COL9A2: variants seen among roughly 807,000 people sequenced by gnomAD.
The protein encoded by COL9A2 is collagen alpha-2(IX) chain.
A neutral mutation model predicts 111.6 loss-of-function variants in COL9A2; 66 were observed. That is an observed-to-expected ratio of 0.59 (90% CI 0.48 to 0.73). The LOEUF (loss-of-function observed/expected upper bound fraction) is 0.73, where lower values mean the gene tolerates loss of function less well. Among genes scored for constraint, COL9A2 ranks in the 30% least tolerant of loss-of-function variants. The pLI, the probability that COL9A2 is intolerant of heterozygous loss-of-function variation, is 0.00. For synonymous variants in COL9A2, 353 were observed against 364.1 expected, an observed-to-expected ratio of 0.97 and a Z score of 0.35; for missense variants, 881 against 954.1, an observed-to-expected ratio of 0.92 and a Z score of 1.01.
chr1:40,307,442 T>C lies in COL9A2; in HGVS notation c.1008+4A>G, dbSNP rs1427901283. The stretch of plus-strand genomic sequence containing the variant: ...CAGCCCCTGTGGCTCCACCTGACAC[T>C]TACCGCTAGGCCCTGGTGGCCTGGA... On this transcript the variant is annotated splice_donor_region_variant and intron_variant, in intron 19 of 31. Coordinates refer to ENST00000372748, the MANE Select transcript of COL9A2 (RefSeq NM_001852.4). The surrounding 1 kb of genome is among the most constrained non-coding windows in gnomAD (Gnocchi z 4.8). 6.2e-7 allele frequency: 1 copy of C among 1,613,918 alleles called. No individual in the cohort carries two copies. Among genetic ancestry groups the C allele is most frequent in the East Asian group, 2.2e-5 (1 of 44,886 alleles).
Position 40,311,846 on chromosome 1 carries a change from G to T in COL9A2, c.418-131C>A. Reference sequence around the variant, plus strand: ...GTCACTTTGTGAGATCCACCATCTTGGGAGATGAAGGCCTGATTGACAGGG... The same window carrying T: ...GTCACTTTGTGAGATCCACCATCTTTGGAGATGAAGGCCTGATTGACAGGG... On this transcript the variant is annotated intron_variant, in intron 8 of 31. Coordinates refer to ENST00000372748, the MANE Select transcript of COL9A2 (RefSeq NM_001852.4). This position sits in a 1 kb window ranked among gnomAD's most constrained non-coding sequence, Gnocchi z 5.1. The T allele has an allele frequency of 9.3e-7, 1 of 1,073,020 alleles. No homozygotes were observed. 66.5% of individuals were successfully genotyped at this position (1,073,020 alleles called of 1,614,324 possible). A position where few individuals can be genotyped will look rare whatever the true frequency, so the allele number is the denominator to read the frequency against.
chr1:40,309,808 TCACA>T (rs768359401), intron 16 of COL9A2, 126 bp downstream of exon 16: 2 of 882,334 alleles, frequency 2.3e-6, no homozygotes, highest in Non-Finnish European at 3.8e-6. Flanking sequence ...CACTACACAC[TCACA>T]CACACTACAC....
rs781326070 is a variant in COL9A2 at position 40,310,352 on chromosome 1, G to A, written c.685-35C>T. 6.2e-7 allele frequency: 1 copy of A among 1,606,972 alleles called. No homozygotes were observed. The highest frequency in any genetic ancestry group is 8.5e-7 in the Non-Finnish European group (1 of 1,174,046). ...AAGAAAAATGACAGCAATGGCAATT[G>A]CAAGGCCCACTTCATGATACCTTGT... is the stretch of plus-strand genomic sequence containing the variant. On this transcript the variant is annotated intron_variant, in intron 13 of 31. Transcript: ENST00000372748. This position sits in a 1 kb window ranked among gnomAD's most constrained non-coding sequence, Gnocchi z 4.9.
intron 2 of COL9A2, 93 bp downstream of exon 2, chr1:40,315,497 G>C: frequency 6.8e-7 from 1 of 1,463,194 alleles, no homozygotes; most frequent in Non-Finnish European, 9.1e-7. Context: ...ACATCTCCGG[G>C]CACCCCGAAG....
At chr1:40,304,606 A>G in intron 22 of COL9A2, 77 bp from the exon 23 acceptor site, 1 of 1,548,012 alleles carries the variant, frequency 6.5e-7, no homozygotes, top group Non-Finnish European at 8.9e-7. Flanking sequence ...CTGGCACCGC[A>G]TGGTCAGGGT....
At position 40,314,336 on chromosome 1, in the gene COL9A2, A is replaced by G; in HGVS notation, c.186+16T>C. The G allele has an allele frequency of 6.2e-7, 1 of 1,614,234 alleles. No homozygotes were observed. The highest frequency in any genetic ancestry group is 1.3e-5 in the African/African-American group (1 of 75,052). On this transcript the variant is annotated intron_variant, in intron 3 of 31. Coordinates refer to ENST00000372748, the MANE Select transcript of COL9A2 (RefSeq NM_001852.4). This position sits in a 1 kb window ranked among gnomAD's most constrained non-coding sequence, Gnocchi z 4.1. ...GAGCAGGAAGGGTCAAAGGCCAAAG[A>G]GGATAAAGCACTCACCGGAGGGCCA...
At chr1:40,304,723 C>T in intron 22 of COL9A2, 71 bp downstream of exon 22, 1 of 1,454,520 alleles carries the variant, frequency 6.9e-7, no homozygotes, top group South Asian at 1.2e-5. Flanking sequence ...CTGCACGGAG[C>T]AGATGCTGTA....
In COL9A2 at chr1:40,312,057, AC is replaced by A; in HGVS notation, c.417+1del. On this transcript the variant is annotated splice_donor_variant, in intron 8 of 31. Coordinates refer to ENST00000372748, the MANE Select transcript of COL9A2 (RefSeq NM_001852.4). LOFTEE classifies it high-confidence loss of function. This position sits in a 1 kb window ranked among gnomAD's most constrained non-coding sequence, Gnocchi z 6.0. ...AGTGAACAGAGGGTGGCTGAGGCTC[AC>A]CTTGGGGCCTCGGATTCCAATCTCA... 6.3e-7 allele frequency: 1 copy of A among 1,598,914 alleles called. No homozygotes were observed. Among genetic ancestry groups the A allele is most frequent in the South Asian group, 1.1e-5 (1 of 87,670 alleles).
chr1:40,310,389 C>T lies in COL9A2; in HGVS notation c.685-72G>A, dbSNP rs969800788. ...TCATGATACCTTGTCTGATGCCCAC[C>T]TTCAATCTTACAGTGCCCTTTTGAG... On this transcript the variant is annotated intron_variant, in intron 13 of 31. Transcript: ENST00000372748. The surrounding 1 kb of genome is among the most constrained non-coding windows in gnomAD (Gnocchi z 4.9). The T allele has an allele frequency of 3.4e-6, 5 of 1,480,198 alleles. No homozygotes were observed. The African/African-American group carries it at 6.9e-5, about 20-fold the overall frequency. 91.7% of individuals were successfully genotyped at this position (1,480,198 alleles called of 1,614,324 possible). A position where few individuals can be genotyped will look rare whatever the true frequency, so the allele number is the denominator to read the frequency against.
chr1:40,312,376 G>A lies in COL9A2; in HGVS notation c.363+80C>T, dbSNP rs569099952. The A allele has an allele frequency of 1.1e-5, 17 of 1,551,990 alleles. No individual in the cohort carries two copies. Among genetic ancestry groups the A allele is most frequent in the Middle Eastern group, 1.7e-4 (1 of 5,984 alleles). On this transcript the variant is annotated intron_variant, in intron 7 of 31. Coordinates refer to ENST00000372748, the MANE Select transcript of COL9A2 (RefSeq NM_001852.4). This position sits in a 1 kb window ranked among gnomAD's most constrained non-coding sequence, Gnocchi z 6.0. ...CAGCAAGCTGGCTCCTTCCCATGGT[G>A]GCCATTCCCTCGAAGCCTTTCTGTT...
chr1:40,312,759 G>C lies in COL9A2; in HGVS notation c.275C>G (p.Pro92Arg). 4 of 1,552,502 alleles carry C rather than the reference G, an allele frequency of 2.6e-6. No individual in the cohort carries two copies. Among genetic ancestry groups the C allele is most frequent in the Non-Finnish European group, 3.5e-6 (4 of 1,147,446 alleles). Residue 92 changes from proline (P) to arginine (R), a missense_variant, in exon 5 of 32, where the codon CCT becomes CGT. Transcript: ENST00000372748. The surrounding 1 kb of genome is among the most constrained non-coding windows in gnomAD (Gnocchi z 6.0). ...IDGLTGAKGE[P>R]GPMGIPGVKG... ...GACTCCAGGGATCCCCATGGGGCCAGGCTCCCCCTTGGCTCCAGTTAAACC... is the reference window on the plus strand; with the variant it reads ...GACTCCAGGGATCCCCATGGGGCCACGCTCCCCCTTGGCTCCAGTTAAACC...
chr1:40,302,919 C>G lies in COL9A2; in HGVS notation c.1604-110G>C. On this transcript the variant is annotated intron_variant, in intron 29 of 31. Coordinates refer to ENST00000372748, the MANE Select transcript of COL9A2 (RefSeq NM_001852.4). The surrounding 1 kb of genome is among the most constrained non-coding windows in gnomAD (Gnocchi z 4.5). ...GGGCCCTGGCCCCTAGGTTTGCAGA[C>G]AGAAAAGCACCACCTTCCGTGGGCT... The G allele has an allele frequency of 1.6e-6, 2 of 1,228,430 alleles. No homozygotes were observed. Among genetic ancestry groups the G allele is most frequent in the South Asian group, 2.6e-5 (2 of 76,286 alleles). The allele number at this position is 1,228,430 out of a possible 1,614,324, so 76.1% of individuals were successfully genotyped here. A position where few individuals can be genotyped will look rare whatever the true frequency, so the allele number is the denominator to read the frequency against.
Position 40,316,805 on chromosome 1 carries a change from C to T in COL9A2, c.75+318G>A, listed in dbSNP as rs1481372344. The stretch of plus-strand genomic sequence containing the variant: ...AGGCTGCGCAGCGGGTGAATGAGCA[C>T]CATTGTATGCCCCGCCACCTGGGCT... On this transcript the variant is annotated intron_variant, in intron 1 of 31. Transcript: ENST00000372748. This position sits in a 1 kb window ranked among gnomAD's most constrained non-coding sequence, Gnocchi z 5.5. 1.3e-5 allele frequency: 6 copies of T among 472,312 alleles called. No homozygotes were observed. Among genetic ancestry groups the T allele is most frequent in the South Asian group, 1.0e-4 (5 of 49,762 alleles). 29.3% of individuals were successfully genotyped at this position (472,312 alleles called of 1,614,324 possible). A position where few individuals can be genotyped will look rare whatever the true frequency, so the allele number is the denominator to read the frequency against.
chr1:40,311,051 T>G lies in COL9A2; in HGVS notation c.630+42A>C, dbSNP rs1250033295. 2 of 1,611,080 alleles carry G rather than the reference T, an allele frequency of 1.2e-6. No individual in the cohort carries two copies. On this transcript the variant is annotated intron_variant, in intron 12 of 31. Coordinates refer to ENST00000372748, the MANE Select transcript of COL9A2 (RefSeq NM_001852.4). This position sits in a 1 kb window ranked among gnomAD's most constrained non-coding sequence, Gnocchi z 5.1. ...GGGGACAGAGCCCTGTAGGACCATC[T>G]CCACGTATCCCTGACCCACAGCCCT...
At position 40,302,407 on chromosome 1, in the gene COL9A2, T is replaced by G. The variant is rs967007242; in HGVS notation, c.1792+214A>C. On this transcript the variant is annotated intron_variant, in intron 30 of 31. Coordinates refer to ENST00000372748, the MANE Select transcript of COL9A2 (RefSeq NM_001852.4). The surrounding 1 kb of genome is among the most constrained non-coding windows in gnomAD (Gnocchi z 4.5). ...GCTTATGGGGTACCACTAAGCACATTCAAAAACAAACCCCAGAAACCCCGA... is the reference window on the plus strand; with the variant it reads ...GCTTATGGGGTACCACTAAGCACATGCAAAAACAAACCCCAGAAACCCCGA... Among the ~76,000 whole-genome samples the G allele has an allele frequency of 6.6e-6, 1 of 152,158 alleles. No individual in the cohort carries two copies. The highest frequency in any genetic ancestry group is 1.5e-5 in the Non-Finnish European group (1 of 68,026).
chr1:40,305,715 C>G lies in COL9A2; in HGVS notation c.1107G>C (p.Glu369Asp). ...LPGFSGPPGKEGEPGPRGEIG... is the reference protein window; with the variant it reads ...LPGFSGPPGKDGEPGPRGEIG... ...TTGTGTCAGTGCAGGGGGCATTTAC[C>G]TCTTTCCCAGGGGGACCAGAGAATC... The change falls in exon 21 of 32, where the codon GAG (glutamate) becomes GAC (aspartate). Residue 369 changes from glutamate to aspartate, a missense_variant and splice_region_variant. Glu to Asp is a conservative substitution (Grantham distance 45, BLOSUM62 2). Transcript: ENST00000372748. 1 of 1,614,094 alleles carries G rather than the reference C, an allele frequency of 6.2e-7. No individual in the cohort carries two copies. Among genetic ancestry groups the G allele is most frequent in the Non-Finnish European group, 8.5e-7 (1 of 1,179,964 alleles).
Position 40,312,052 on chromosome 1 carries a change from G to A in COL9A2, c.417+7C>T, listed in dbSNP as rs1553184232. 6.3e-7 allele frequency: 1 copy of A among 1,598,256 alleles called. No individual in the cohort carries two copies. Among genetic ancestry groups the A allele is most frequent in the Non-Finnish European group, 8.5e-7 (1 of 1,174,112 alleles). ...GAGGCAGTGAACAGAGGGTGGCTGAGGCTCACCTTGGGGCCTCGGATTCCA... is the reference window on the plus strand; with the variant it reads ...GAGGCAGTGAACAGAGGGTGGCTGAAGCTCACCTTGGGGCCTCGGATTCCA... On this transcript the variant is annotated splice_region_variant and intron_variant, in intron 8 of 31. Transcript: ENST00000372748. This position sits in a 1 kb window ranked among gnomAD's most constrained non-coding sequence, Gnocchi z 6.0.
intron 20 of COL9A2, 109 bp downstream of exon 20, chr1:40,306,034 G>T (rs1489577833): frequency 2.3e-6 from 3 of 1,302,952 alleles, no homozygotes; most frequent in Non-Finnish European, 3.3e-6. Flanking sequence ...GGCCCAAGGG[G>T]CTTATGTTCT....
intron 2 of COL9A2, 185 bp downstream of exon 2, chr1:40,315,405 C>T (rs1644202383): frequency 7.1e-7 from 1 of 1,415,120 alleles, no homozygotes; most frequent in African/African-American, 1.5e-5. Flanking sequence ...CTCCGCATGT[C>T]AGGGCTGGTT....
Sources: gnomAD v4.1 joint callset for allele counts (sites outside exome capture counted in the v4.1 genomes callset) on GRCh38, gnomAD v4.1.1 for gene constraint, Gnocchi (gnomAD v3.1) non-coding constraint, MANE v1.5 for transcripts, NCBI Gene and HGNC (gene_info 2026-07-23, HGNC 2026-07-21) for gene names.